CSMD3: variants seen among roughly 807,000 people sequenced by gnomAD.
CSMD3 encodes CUB and sushi domain-containing protein 3.
Under a neutral mutation model 435.2 loss-of-function variants are expected in CSMD3, and 177 were observed. The ratio of observed to expected loss-of-function variants is 0.41; its 90% CI spans 0.36 to 0.46. CSMD3 has a LOEUF of 0.46. Ranked by LOEUF, CSMD3 falls within the 20% of genes least tolerant of loss-of-function variation. The probability of loss-of-function intolerance (pLI) is 0.34; values close to 1 mark genes in which losing one functional copy is unlikely to be tolerated. For synonymous variants in CSMD3, 1,656 were observed against 1,520.5 expected (o/e 1.09, Z -2.07); for missense variants, 4,265 against 4,504.6 (o/e 0.95, Z 1.52).
intron 11 of CSMD3, among the ~76,000 whole-genome samples, chr8:112,853,813 C>A (rs918310281): frequency 6.6e-6 from 1 of 152,198 alleles, no homozygotes; most frequent in South Asian, 2.1e-4. Flanking sequence ...TGTCTCTTAG[C>A]TCTAGCCAAC....
chr8:112,958,217 A>C (rs1293585032), intron 7 of CSMD3, among the ~76,000 whole-genome samples: 1 of 152,196 alleles, frequency 6.6e-6, no homozygotes, highest in East Asian at 1.9e-4. Flanking sequence ...TGTATGCTCT[A>C]ATAATTTTAG....
At chr8:112,514,855 T>C (rs1465672618) in intron 28 of CSMD3, among the ~76,000 whole-genome samples, 1 of 152,034 alleles carries the variant, frequency 6.6e-6, no homozygotes, top group Non-Finnish European at 1.5e-5. Flanking sequence ...TCTTATCAGT[T>C]TTAGAGGTCA....
intron 40 of CSMD3, among the ~76,000 whole-genome samples, chr8:112,346,646 T>TTTC (rs1460228297): frequency 2.0e-5 from 3 of 151,008 alleles, no homozygotes; most frequent in Non-Finnish European, 4.4e-5. Context: ...AGGAAATCAT[T>TTTC]TTCACAGCCT....
At chr8:112,465,243 C>A (rs1817841174) in intron 32 of CSMD3, among the ~76,000 whole-genome samples, 1 of 152,040 alleles carries the variant, frequency 6.6e-6, no homozygotes, top group Admixed American at 6.5e-5. Flanking sequence ...TCTGTCGTCT[C>A]ACATATTAAA....
chr8:112,691,448 GA>G (rs1317624274), intron 13 of CSMD3, among the ~76,000 whole-genome samples: 3 of 151,990 alleles, frequency 2.0e-5, no homozygotes, highest in Non-Finnish European at 2.9e-5. Flanking sequence ...GTAGCCATCT[GA>G]GTACCATTTT....
intron 38 of CSMD3, among the ~76,000 whole-genome samples, chr8:112,370,025 AAGAAG>A (rs1828197610): frequency 2.1e-5 from 1 of 48,218 alleles, no homozygotes. Context: ...GAAGAAGAGG[AAGAAG>A]AAGAAGAAGA....
intron 1 of CSMD3, among the ~76,000 whole-genome samples, chr8:113,335,643 A>G (rs557261805): frequency 7.3e-6 from 1 of 136,332 alleles, no homozygotes; most frequent in East Asian, 2.3e-4. Flanking sequence ...AAAGTGTTCT[A>G]TAAATGTTAA....
intron 10 of CSMD3, among the ~76,000 whole-genome samples, chr8:112,868,510 G>T (rs544547322): frequency 1.2e-4 from 18 of 152,274 alleles, no homozygotes; most frequent in African/African-American, 4.1e-4. Context: ...GTAACATGTT[G>T]TATTAAGATG....
rs562522658 is a variant in CSMD3 at position 112,304,875 on chromosome 8, A to T, written c.8112T>A (p.His2704Gln). 6.2e-7 allele frequency: 1 copy of T among 1,613,850 alleles called. No homozygotes were observed. The highest frequency in any genetic ancestry group is 8.5e-7 in the Non-Finnish European group (1 of 1,179,872). Reference sequence around the variant, plus strand: ...AGCCATTCACAATTCGCCATCTTCCATGTTCCAAGATAAAGGAATTGATGC... The same window carrying T: ...AGCCATTCACAATTCGCCATCTTCCTTGTTCCAAGATAAAGGAATTGATGC... ...CPSINSFILE[H>Q]GRWRIVNGSH... The change falls in exon 52 of 71, where the codon CAT becomes CAA. Residue 2704 changes from histidine (H) to glutamine (Q), a missense_variant. This residue lies in a region of CSMD3 where 3,255 missense variants were observed against 3,380.2 expected (regional missense o/e 0.96). Coordinates refer to ENST00000297405, the MANE Select transcript of CSMD3 (RefSeq NM_198123.2).
chr8:113,017,485 G>C (rs888810592), intron 6 of CSMD3, among the ~76,000 whole-genome samples: 11 of 151,802 alleles, frequency 7.2e-5, no homozygotes, highest in Non-Finnish European at 1.2e-4. Flanking sequence ...TAAAATATAT[G>C]CTACTTTATT....
At chr8:113,093,093 G>T (rs1172625375) in intron 5 of CSMD3, among the ~76,000 whole-genome samples, 2 of 152,020 alleles carry the variant, frequency 1.3e-5, no homozygotes, top group African/African-American at 4.8e-5. Flanking sequence ...GAAATGTTCA[G>T]GGCTAGGCAT....
At chr8:112,727,510 C>T (rs951265877) in intron 13 of CSMD3, among the ~76,000 whole-genome samples, 3 of 151,800 alleles carry the variant, frequency 2.0e-5, no homozygotes, top group African/African-American at 7.2e-5. Flanking sequence ...GAGGGTGTTA[C>T]ACACTGCTTC....
intron 7 of CSMD3, among the ~76,000 whole-genome samples, chr8:112,968,460 T>C (rs2084507297): frequency 6.6e-6 from 1 of 151,534 alleles, no homozygotes; most frequent in Non-Finnish European, 1.5e-5. Flanking sequence ...ACACAATCTA[T>C]ATTTGAAAAA....
intron 3 of CSMD3, among the ~76,000 whole-genome samples, chr8:113,211,958 A>G (rs569517143): frequency 4.6e-5 from 7 of 152,328 alleles, no homozygotes; most frequent in Non-Finnish European, 8.8e-5. Context: ...CTTTCTGAAT[A>G]AAACTTATTG....
intron 5 of CSMD3, among the ~76,000 whole-genome samples, chr8:113,088,028 C>A (rs11987463): frequency 0.66 from 93,877 of 142,640 alleles, 32,408 homozygotes; most frequent in East Asian, 0.95. Flanking sequence ...AAACAAACAA[C>A]CCCATCAAAA....
intron 4 of CSMD3, among the ~76,000 whole-genome samples, chr8:113,158,752 G>A (rs1367487344): frequency 6.6e-6 from 1 of 151,750 alleles, no homozygotes; most frequent in African/African-American, 2.4e-5. Context: ...TTTTGTATAT[G>A]TGTATATATA....
intron 4 of CSMD3, among the ~76,000 whole-genome samples, chr8:113,155,225 C>T (rs569603796): frequency 4.5e-4 from 69 of 152,070 alleles, no homozygotes; most frequent in Non-Finnish European, 8.8e-4. Flanking sequence ...CTGTAAAAAT[C>T]GCCCTAATCA....
intron 11 of CSMD3, among the ~76,000 whole-genome samples, chr8:112,836,921 G>C (rs1269780432): frequency 6.6e-6 from 1 of 151,778 alleles, no homozygotes; most frequent in Non-Finnish European, 1.5e-5. Context: ...TAAACTTCAA[G>C]TTTGCTTGAT....
intron 27 of CSMD3, among the ~76,000 whole-genome samples, chr8:112,525,389 T>C (rs953517613): frequency 5.3e-5 from 8 of 150,166 alleles, no homozygotes; most frequent in Admixed American, 5.3e-4. Context: ...AACTTTATTC[T>C]ATCCCAGAAT....
Sources: gnomAD v4.1 joint callset for allele counts (sites outside exome capture counted in the v4.1 genomes callset) on GRCh38, gnomAD v4.1.1 for gene constraint, gnomAD v4.1.1 regional missense constraint, MANE v1.5 for transcripts, NCBI Gene and HGNC (gene_info 2026-07-23, HGNC 2026-07-21) for gene names.